BRWD3: variants seen among roughly 807,000 people sequenced by gnomAD.
The protein encoded by BRWD3 is bromodomain and WD repeat domain containing 3, also known as bromodomain and WD repeat-containing protein 3.
A neutral mutation model predicts 149.7 loss-of-function variants in BRWD3; 10 were observed. The observed-to-expected ratio is 0.07, with a 90% CI of 0.04 to 0.11. The LOEUF is 0.11. BRWD3 is among the 10% of genes least tolerant of loss of function. BRWD3 has a pLI of 1.00. For missense variants in BRWD3, 940 were observed against 1,373.2 expected (o/e 0.68, Z 4.99); for synonymous variants, 504 against 456.7 (o/e 1.10, Z -1.32).
intron 27 of BRWD3, 94 bp downstream of exon 27, chrX:80,695,814 A>C: frequency 4.0e-6 from 3 of 747,209 alleles, no homozygotes; most frequent in Non-Finnish European, 6.0e-6. Flanking sequence ...TTTTCAGCTA[A>C]ATGATAAGCT....
intron 9 of BRWD3, among the ~76,000 whole-genome samples, chrX:80,735,690 G>A (rs1477592962): frequency 9.4e-6 from 1 of 106,610 alleles, no homozygotes; most frequent in Non-Finnish European, 1.9e-5. Flanking sequence ...TGTAGTCCCA[G>A]CTGCTTGGGA....
intron 6 of BRWD3, among the ~76,000 whole-genome samples, chrX:80,758,436 T>G (rs2073768131): frequency 9.0e-6 from 1 of 111,517 alleles, no homozygotes; most frequent in African/African-American, 3.3e-5. Flanking sequence ...TAGTCCAAAC[T>G]ACCTCCTCAC....
rs777786181 is a variant in BRWD3 at position 80,676,718 on chromosome X, T to C, written c.5300A>G (p.Asn1767Ser). ...CAGAGGATCCTCAGTGGACACAAAA[T>C]TGTCATTATCAGAATCATCATTATA... ...VLYNDDSDND[N>S]FVSTEDPLNL... The change falls in exon 41 of 41, where the codon AAT becomes AGT. Residue 1767 changes from asparagine to serine, a missense_variant. Physicochemically the swap from Asn to Ser is conservative, Grantham distance 46. Coordinates refer to ENST00000373275, the MANE Select transcript of BRWD3 (RefSeq NM_153252.5). 9 of 1,209,521 alleles carry C rather than the reference T, an allele frequency of 7.4e-6. No individual in the cohort carries two copies. The East Asian group carries it at 1.5e-4, about 20-fold the overall frequency.
chrX:80,754,121 T>A (rs1227805582), intron 6 of BRWD3, among the ~76,000 whole-genome samples: 1 of 112,395 alleles, frequency 8.9e-6, no homozygotes, highest in Non-Finnish European at 1.9e-5. Flanking sequence ...ATGATCATTT[T>A]AACAATATTG....
chrX:80,762,991 C>G (rs774310965), intron 6 of BRWD3, among the ~76,000 whole-genome samples: 32 of 110,606 alleles, frequency 2.9e-4, no homozygotes, highest in African/African-American at 9.9e-4. Flanking sequence ...ATAGTGATCG[C>G]TACTATAAAG....
intron 6 of BRWD3, among the ~76,000 whole-genome samples, chrX:80,752,116 G>A (rs1249765142): frequency 9.3e-6 from 1 of 108,005 alleles, no homozygotes; most frequent in Non-Finnish European, 1.9e-5. Flanking sequence ...GGGCTCAACT[G>A]ATCCTCCCAC....
intron 6 of BRWD3, among the ~76,000 whole-genome samples, chrX:80,753,907 C>T (rs2073704541): frequency 9.0e-6 from 1 of 111,552 alleles, no homozygotes; most frequent in Non-Finnish European, 1.9e-5. Context: ...CCGTACAATG[C>T]TGTTTTGGTT....
At chrX:80,757,308 A>G (rs5913317) in intron 6 of BRWD3, among the ~76,000 whole-genome samples, 11,012 of 111,631 alleles carry the variant, frequency 0.099, 591 homozygotes, top group Non-Finnish European at 0.16. Flanking sequence ...GCAATCAATC[A>G]ACATAATTTT....
Position 80,722,799 on chromosome X carries a change from A to G in BRWD3, c.1651-12T>C. ...ATCTGATCTGGAATCTTTATGACAG[A>G]TTTTTAGTGGGTTAACATACACAGG... On this transcript the variant is annotated splice_polypyrimidine_tract_variant and intron_variant, in intron 16 of 40. Coordinates refer to ENST00000373275, the MANE Select transcript of BRWD3 (RefSeq NM_153252.5). 1 of 1,167,497 alleles carries G rather than the reference A, an allele frequency of 8.6e-7. No homozygotes were observed.
At chrX:80,778,091 A>G (rs1375567713) in intron 6 of BRWD3, among the ~76,000 whole-genome samples, 1 of 112,057 alleles carries the variant, frequency 8.9e-6, no homozygotes, top group African/African-American at 3.2e-5. Flanking sequence ...TTCAGCTACT[A>G]CAAGGTAAGA....
intron 22 of BRWD3, among the ~76,000 whole-genome samples, chrX:80,706,038 T>C (rs1312895797): frequency 8.9e-6 from 1 of 112,605 alleles, no homozygotes; most frequent in East Asian, 2.8e-4. Flanking sequence ...TTTATACTTT[T>C]TAGTGTTTTT....
Position 80,671,610 on chromosome X carries a change from GTTTT to G in BRWD3, c.*4995_*4998del, listed in dbSNP as rs751857172. ...TAAAGAATGGCAACAAATTAGTCCA[GTTTT>G]TTTGTCTTTGAAGATAATTGCTTAT... On this transcript the variant is annotated 3_prime_UTR_variant, in exon 41 of 41. Transcript: ENST00000373275. 2 of 111,973 alleles carry G rather than the reference GTTTT, an allele frequency of 1.8e-5. No individual in the cohort carries two copies. Among genetic ancestry groups the G allele is most frequent in the Non-Finnish European group, 3.8e-5 (2 of 53,156 alleles). The allele number at this position is 111,973 out of a possible 1,213,427, so 9.2% of individuals were successfully genotyped here.
intron 6 of BRWD3, among the ~76,000 whole-genome samples, chrX:80,777,594 T>G (rs1259379845): frequency 9.1e-6 from 1 of 110,361 alleles, no homozygotes; most frequent in African/African-American, 3.3e-5. Context: ...AGACAGGGTC[T>G]CACCACGCTG....
At chrX:80,730,333 C>T (rs887677441) in intron 12 of BRWD3, among the ~76,000 whole-genome samples, 8 of 102,425 alleles carry the variant, frequency 7.8e-5, no homozygotes, top group South Asian at 4.4e-4. Flanking sequence ...TGTCCATCAA[C>T]GGGATAAATG....
intron 40 of BRWD3, among the ~76,000 whole-genome samples, chrX:80,678,009 A>T (rs1229668258): frequency 9.0e-6 from 1 of 111,224 alleles, no homozygotes; most frequent in African/African-American, 3.3e-5. Flanking sequence ...GGAATAGAAA[A>T]ACAGTGAGTA....
chrX:80,745,719 G>A lies in BRWD3; in HGVS notation c.441C>T (p.Thr147=). ...TACAGCCGGTTAATTGCCTGGCAGA[G>A]GTGATATTCACTGAAAAAAATACGA... ...YVKPPNVVNI[T]SARQLTGCSR... is the part of the protein sequence containing the mutation. The change falls in exon 7 of 41, where the codon ACC becomes ACT. Residue 147 remains threonine (T), a synonymous_variant. Coordinates refer to ENST00000373275, the MANE Select transcript of BRWD3 (RefSeq NM_153252.5). The A allele has an allele frequency of 8.3e-7, 1 of 1,204,519 alleles. No homozygotes were observed. The highest frequency in any genetic ancestry group is 1.1e-6 in the Non-Finnish European group (1 of 891,312).
In BRWD3 at chrX:80,696,743, T is replaced by C; in HGVS notation, c.3064A>G (p.Ile1022Val). ...GACTCAGAGATAACTACTCACTTAA[T>C]GGAAAAAGATTCTCCAGTCATTTTG... Reference protein sequence around the residue: ...SGKMTGESFSIKYHDMPDVID... With the variant: ...SGKMTGESFSVKYHDMPDVID... Residue 1022 changes from isoleucine to valine, a missense_variant, in exon 26 of 41, where the codon ATT (isoleucine) becomes GTT (valine). This residue lies in a region of BRWD3 where 158 missense variants were observed against 284.0 expected (regional missense o/e 0.56). Coordinates refer to ENST00000373275, the MANE Select transcript of BRWD3 (RefSeq NM_153252.5). 1 of 1,210,384 alleles carries C rather than the reference T, an allele frequency of 8.3e-7. No homozygotes were observed. Among genetic ancestry groups the C allele is most frequent in the Non-Finnish European group, 1.1e-6 (1 of 894,797 alleles).
In BRWD3 at chrX:80,724,889, A is replaced by G. The variant is rs771689301; in HGVS notation, c.1521+44T>C. 3 of 1,193,920 alleles carry G rather than the reference A, an allele frequency of 2.5e-6. No individual in the cohort carries two copies. In the South Asian group the frequency reaches 5.3e-5, roughly 21 times the overall value. On this transcript the variant is annotated intron_variant, in intron 15 of 40. Transcript: ENST00000373275. ...AATTAACCAAGTTATTATATGAGAG[A>G]AGTTGGTTTTAATGTGAACTAGATA...
chrX:80,775,697 T>C (rs192213215), intron 6 of BRWD3, among the ~76,000 whole-genome samples: 12 of 112,034 alleles, frequency 1.1e-4, no homozygotes, highest in Middle Eastern at 9.2e-3. Flanking sequence ...ATACTTAAGT[T>C]TGGATATTAG....
Sources: gnomAD v4.1 joint callset for allele counts (sites outside exome capture counted in the v4.1 genomes callset) on GRCh38, gnomAD v4.1.1 for gene constraint, gnomAD v4.1.1 regional missense constraint, MANE v1.5 for transcripts, NCBI Gene and HGNC (gene_info 2026-07-23, HGNC 2026-07-21) for gene names.